Variants in OR2H2 observed in about 807,000 individuals in gnomAD.
OR2H2 encodes olfactory receptor 2H2.
For synonymous variants in OR2H2, 146 were observed against 132.4 expected (o/e 1.10, Z -0.71); for missense variants, 295 against 313.7 (o/e 0.94, Z 0.45).
chr6:29,585,272 C>T lies in OR2H2; in HGVS notation c.-354C>T, dbSNP rs1760168437. ...TATTTTTTTGTTTCTTCCTGATGTA[C>T]AAGTGGAGGCTGGGCACCAGTTAAG... On this transcript the variant is annotated 5_prime_UTR_variant, in exon 1 of 2. The change creates a premature stop within an existing upstream ORF in the 5' untranslated region. Transcript: ENST00000641840. The T allele has an allele frequency of 6.6e-6, 1 of 152,138 alleles. No individual in the cohort carries two copies. The highest frequency in any genetic ancestry group is 6.5e-5 in the Admixed American group (1 of 15,276). 9.4% of individuals were successfully genotyped at this position (152,138 alleles called of 1,614,324 possible). A position where few individuals can be genotyped will look rare whatever the true frequency, so the allele number is the denominator to read the frequency against.
Position 29,590,420 on chromosome 6 carries a change from G to T in OR2H2, c.*1537G>T, listed in dbSNP as rs1216057870. On this transcript the variant is annotated 3_prime_UTR_variant, in exon 2 of 2. Transcript: ENST00000641840. The stretch of plus-strand genomic sequence containing the variant: ...TCTAAATGATCCCCCAGCCGAAGGG[G>T]TTTCACTTCCTTAAAATAAGAGTTT... The T allele has an allele frequency of 6.6e-6, 1 of 152,156 alleles. No homozygotes were observed. The highest frequency in any genetic ancestry group is 1.5e-5 in the Non-Finnish European group (1 of 68,034). The allele number at this position is 152,156 out of a possible 1,614,324, so 9.4% of individuals were successfully genotyped here.
chr6:29,585,494 C>G (rs537806178), intron 1 of OR2H2, 144 bp downstream of exon 1: 1 of 152,284 alleles, frequency 6.6e-6, no homozygotes, highest in Non-Finnish European at 1.5e-5. Context: ...AGTCTCTTGT[C>G]CCGTCTGTGA....
Position 29,588,375 on chromosome 6 carries a change from C to A in OR2H2, c.431C>A (p.Ser144Tyr). 6.2e-7 allele frequency: 1 copy of A among 1,613,034 alleles called. No homozygotes were observed. The highest frequency in any genetic ancestry group is 8.5e-7 in the Non-Finnish European group (1 of 1,179,904). The change falls in exon 2 of 2, where the codon TCT (serine) becomes TAT (tyrosine). Residue 144 changes from serine (S) to tyrosine (Y), a missense_variant. Ser to Tyr is a moderately radical substitution (Grantham distance 144). Transcript: ENST00000641840. ...CCCCGCCTGTGCTGGCAGCTGGCAT[C>A]TGTGGCCTGGGTCATTGGGCTAGTG... ...IHPRLCWQLA[S>Y]VAWVIGLVES...
chr6:29,586,508 A>C lies in OR2H2; in HGVS notation c.-276+1158A>C, dbSNP rs890441910. ...TCTAAAAAAAAAAAAAAAAAAAAAA[A>C]ATTAGAATGGTGGTGACATCTTGAG... On this transcript the variant is annotated intron_variant, in intron 1 of 1. Transcript: ENST00000641840. 5.3e-5 allele frequency among the ~76,000 whole-genome samples: 8 copies of C among 151,528 alleles called. No individual in the cohort carries two copies. The East Asian group carries it at 1.5e-3, about 29-fold the overall frequency.
chr6:29,587,714 A>T lies in OR2H2; in HGVS notation c.-231A>T. On this transcript the variant is annotated 5_prime_UTR_variant, in exon 2 of 2. Transcript: ENST00000641840. ...TGAGTATCCATCTGCTGTCCAGTAC[A>T]TTCATGGATTCCTCACTCTCACTAG... is the stretch of plus-strand genomic sequence containing the variant. The T allele has an allele frequency of 2.0e-6, 1 of 509,668 alleles. No homozygotes were observed. The highest frequency in any genetic ancestry group is 3.5e-6 in the Non-Finnish European group (1 of 288,612). The allele number at this position is 509,668 out of a possible 1,614,324, so 31.6% of individuals were successfully genotyped here. A position where few individuals can be genotyped will look rare whatever the true frequency, so the allele number is the denominator to read the frequency against.
At position 29,590,158 on chromosome 6, in the gene OR2H2, T is replaced by C. The variant is rs1410247949; in HGVS notation, c.*1275T>C. The C allele has an allele frequency of 6.6e-6, 1 of 152,218 alleles. No individual in the cohort carries two copies. The allele number at this position is 152,218 out of a possible 1,614,324, so 9.4% of individuals were successfully genotyped here. A position where few individuals can be genotyped will look rare whatever the true frequency, so the allele number is the denominator to read the frequency against. On this transcript the variant is annotated 3_prime_UTR_variant, in exon 2 of 2. Coordinates refer to ENST00000641840, the MANE Select transcript of OR2H2 (RefSeq NM_007160.4). ...TACACATATTGACTTATTTAACCCT[T>C]ATAACAACACTATGAAGCAGATAAT...
chr6:29,588,600 T>C lies in OR2H2; in HGVS notation c.656T>C (p.Ile219Thr), dbSNP rs1582914596. 4 of 1,146,010 alleles carry C rather than the reference T, an allele frequency of 3.5e-6. 1 individual carries two copies. In the South Asian group the frequency reaches 3.7e-5, roughly 11 times the overall value. 71.0% of individuals were successfully genotyped at this position (1,146,010 alleles called of 1,614,324 possible). ...CTCATCCTTGTCTCTTACGGAGCCA[T>C]TACCTGGGCAGTGCTGAGGATTAAC... is the stretch of plus-strand genomic sequence containing the variant. ...LSLILVSYGA[I>T]TWAVLRINSA... is the part of the protein sequence containing the mutation. The change falls in exon 2 of 2, where the codon ATT becomes ACT. Residue 219 changes from isoleucine (I) to threonine (T), a missense_variant. Transcript: ENST00000641840.
At position 29,585,213 on chromosome 6, in the gene OR2H2, T is replaced by C. The variant is rs183416743; in HGVS notation, c.-413T>C. On this transcript the variant is annotated 5_prime_UTR_variant, in exon 1 of 2. An upstream start codon of the reference 5' UTR is lost. Transcript: ENST00000641840. ...TAGCAATCCCTATTGTGACCAGAGATGCAGTTGCCCATTCAAGGATGCCCA... is the reference window on the plus strand; with the variant it reads ...TAGCAATCCCTATTGTGACCAGAGACGCAGTTGCCCATTCAAGGATGCCCA... 2 of 152,380 alleles carry C rather than the reference T, an allele frequency of 1.3e-5. No individual in the cohort carries two copies. Among genetic ancestry groups the C allele is most frequent in the East Asian group, 3.9e-4 (2 of 5,192 alleles). The allele number at this position is 152,380 out of a possible 1,614,324, so 9.4% of individuals were successfully genotyped here. A position where few individuals can be genotyped will look rare whatever the true frequency, so the allele number is the denominator to read the frequency against.
At position 29,588,601 on chromosome 6, in the gene OR2H2, T is replaced by C. The variant is rs780084053; in HGVS notation, c.657T>C (p.Ile219=). 1 of 1,154,308 alleles carries C rather than the reference T, an allele frequency of 8.7e-7. No individual in the cohort carries two copies. Among genetic ancestry groups the C allele is most frequent in the Non-Finnish European group, 1.3e-6 (1 of 761,164 alleles). The allele number at this position is 1,154,308 out of a possible 1,614,324, so 71.5% of individuals were successfully genotyped here. Residue 219 remains isoleucine (I), a synonymous_variant, in exon 2 of 2, where the codon ATT becomes ATC. Transcript: ENST00000641840. ...LSLILVSYGA[I]TWAVLRINSA... The stretch of plus-strand genomic sequence containing the variant: ...TCATCCTTGTCTCTTACGGAGCCAT[T>C]ACCTGGGCAGTGCTGAGGATTAACT...
In OR2H2 at chr6:29,588,927, T is replaced by G. The variant is rs1562049247; in HGVS notation, c.*44T>G. ...GCTTTAAAAGAGAGGAGATTCTATG[T>G]GCTTTTATCAGAAAGTTTGAGTTCC... On this transcript the variant is annotated 3_prime_UTR_variant, in exon 2 of 2. Coordinates refer to ENST00000641840, the MANE Select transcript of OR2H2 (RefSeq NM_007160.4). The G allele has an allele frequency of 1.1e-5, 8 of 751,302 alleles. No homozygotes were observed. The highest frequency in any genetic ancestry group is 9.8e-5 in the East Asian group (4 of 40,954). 46.5% of individuals were successfully genotyped at this position (751,302 alleles called of 1,614,324 possible). A position where few individuals can be genotyped will look rare whatever the true frequency, so the allele number is the denominator to read the frequency against.
Position 29,585,250 on chromosome 6 carries a change from T to A in OR2H2, c.-376T>A, listed in dbSNP as rs186226708. 1 of 152,318 alleles carries A rather than the reference T, an allele frequency of 6.6e-6. No homozygotes were observed. The highest frequency in any genetic ancestry group is 1.9e-4 in the East Asian group (1 of 5,182). The allele number at this position is 152,318 out of a possible 1,614,324, so 9.4% of individuals were successfully genotyped here. A position where few individuals can be genotyped will look rare whatever the true frequency, so the allele number is the denominator to read the frequency against. On this transcript the variant is annotated 5_prime_UTR_variant, in exon 1 of 2. Coordinates refer to ENST00000641840, the MANE Select transcript of OR2H2 (RefSeq NM_007160.4). ...TTCAAGGATGCCCATTCCTTTTTAT[T>A]TTTTTGTTTCTTCCTGATGTACAAG...
chr6:29,586,586 T>C (rs900680474), intron 1 of OR2H2, among the ~76,000 whole-genome samples: 1 of 151,952 alleles, frequency 6.6e-6, no homozygotes, highest in Non-Finnish European at 1.5e-5. Context: ...CAGAAGCTTC[T>C]AAGATACTTG....
At position 29,588,534 on chromosome 6, in the gene OR2H2, T is replaced by C; in HGVS notation, c.590T>C (p.Val197Ala). The C allele has an allele frequency of 1.0e-6, 1 of 955,336 alleles. No homozygotes were observed. Among genetic ancestry groups the C allele is most frequent in the Non-Finnish European group, 1.7e-6 (1 of 578,636 alleles). 59.2% of individuals were successfully genotyped at this position (955,336 alleles called of 1,614,324 possible). The change falls in exon 2 of 2, where the codon GTG (valine) becomes GCG (alanine). Residue 197 changes from valine (V) to alanine (A), a missense_variant. Val to Ala is a moderately conservative substitution (Grantham distance 64). Transcript: ENST00000641840. Reference protein sequence around the residue: ...CEDTSYNEIQVAVASVFILVV... With the variant: ...CEDTSYNEIQAAVASVFILVV... Reference sequence around the variant, plus strand: ...GACACCTCCTACAATGAGATCCAGGTGGCTGTTGCCAGTGTCTTCATCTTG... The same window carrying C: ...GACACCTCCTACAATGAGATCCAGGCGGCTGTTGCCAGTGTCTTCATCTTG...
In OR2H2 at chr6:29,588,470, G is replaced by C. The variant is rs559928300; in HGVS notation, c.526G>C (p.Val176Leu). Residue 176 changes from valine (V) to leucine (L), a missense_variant, in exon 2 of 2, where the codon GTC (valine) becomes CTC (leucine). By Grantham distance (32) the Val-to-Leu change is conservative. Transcript: ENST00000641840. ...CCCCGATCGGCAGGTGGATGATTTT[G>C]TCTGTGAGGTCCCAGCTCTAATTCG... ...FCPDRQVDDF[V>L]CEVPALIRLS... 2 of 1,175,322 alleles carry C rather than the reference G, an allele frequency of 1.7e-6. No homozygotes were observed. The highest frequency in any genetic ancestry group is 1.7e-5 in the Admixed American group (1 of 59,496). The allele number at this position is 1,175,322 out of a possible 1,614,324, so 72.8% of individuals were successfully genotyped here.
intron 1 of OR2H2, among the ~76,000 whole-genome samples, chr6:29,586,764 A>G (rs915039924): frequency 2.1e-4 from 32 of 152,318 alleles, no homozygotes; most frequent in African/African-American, 7.7e-4. Flanking sequence ...TTAATACAAG[A>G]TGGGGACCCT....
rs748590524 is a variant in OR2H2, at chr6:29,588,210, C to T, written c.266C>T (p.Thr89Ile). The stretch of plus-strand genomic sequence containing the variant: ...GTCAACCTCTGGGGCCCAAAGAAGA[C>T]CATCAGCTTCCTGGACTGCTCTGTC... Reference protein sequence around the residue: ...MLVNLWGPKKTISFLDCSVQI... With the variant: ...MLVNLWGPKKIISFLDCSVQI... Residue 89 changes from threonine (T) to isoleucine (I), a missense_variant, in exon 2 of 2, where the codon ACC becomes ATC. By Grantham distance (89) the Thr-to-Ile change is moderately conservative. Coordinates refer to ENST00000641840, the MANE Select transcript of OR2H2 (RefSeq NM_007160.4). 3 of 1,517,270 alleles carry T rather than the reference C, an allele frequency of 2.0e-6. No individual in the cohort carries two copies. The East Asian group carries it at 6.8e-5, about 34-fold the overall frequency. The allele number at this position is 1,517,270 out of a possible 1,614,324, so 94.0% of individuals were successfully genotyped here.
intron 1 of OR2H2, chr6:29,587,336 G>A (rs1257294083): frequency 6.6e-6 from 1 of 152,158 alleles, no homozygotes; most frequent in Non-Finnish European, 1.5e-5. Flanking sequence ...CAACCAACCT[G>A]ATCTCTCTAT....
Position 29,588,981 on chromosome 6 carries a change from A to G in OR2H2, c.*98A>G. 1 of 649,846 alleles carries G rather than the reference A, an allele frequency of 1.5e-6. No homozygotes were observed. Among genetic ancestry groups the G allele is most frequent in the East Asian group, 2.7e-5 (1 of 37,526 alleles). 40.3% of individuals were successfully genotyped at this position (649,846 alleles called of 1,614,324 possible). ...CCCCTCTGCCTTCTTCACACCCATTACATTGTGGGAATGGATGAAAGCCAC... is the reference window on the plus strand; with the variant it reads ...CCCCTCTGCCTTCTTCACACCCATTGCATTGTGGGAATGGATGAAAGCCAC... On this transcript the variant is annotated 3_prime_UTR_variant, in exon 2 of 2. Transcript: ENST00000641840.
intron 1 of OR2H2, 44 bp downstream of exon 1, chr6:29,585,394 G>A (rs754186968): frequency 4.6e-5 from 7 of 152,124 alleles, no homozygotes; most frequent in Admixed American, 2.6e-4. Flanking sequence ...ATCAGTTTCC[G>A]CCTATCCTCA....
Sources: gnomAD v4.1 joint callset for allele counts (sites outside exome capture counted in the v4.1 genomes callset) on GRCh38, gnomAD v4.1.1 for gene constraint, MANE v1.5 for transcripts, NCBI Gene and HGNC (gene_info 2026-07-23, HGNC 2026-07-21) for gene names.